Variants in REPS2 observed in about 807,000 individuals in gnomAD.
The protein encoded by REPS2 is RALBP1 associated Eps domain containing 2, also known as ralBP1-associated Eps domain-containing protein 2.
Under a neutral mutation model 53.6 loss-of-function variants are expected in REPS2, and 23 were observed. The observed-to-expected ratio is 0.43, with a 90% CI of 0.31 to 0.61. The LOEUF is 0.61. Among genes scored for constraint, REPS2 ranks in the 20% least tolerant of loss-of-function variants. REPS2 has a pLI of 0.11. For missense variants in REPS2, 446 were observed against 534.9 expected (o/e 0.83, Z 1.64); for synonymous variants, 238 against 218.6 (o/e 1.09, Z -0.78).
At chrX:17,082,113 C>T (rs772933419) in intron 13 of REPS2, among the ~76,000 whole-genome samples, 1 of 112,041 alleles carries the variant, frequency 8.9e-6, no homozygotes, top group South Asian at 3.7e-4. Context: ...TCAGACCTGC[C>T]TCTTCTCAAA....
the REPS2 span, among the ~76,000 whole-genome samples, chrX:17,159,782 C>G: frequency 9.0e-6 from 1 of 111,311 alleles, no homozygotes; most frequent in South Asian, 3.8e-4. Flanking sequence ...AAGATGTGAC[C>G]CCTGTCCCAC....
At position 17,024,999 on chromosome X, in the gene REPS2, T is replaced by C. The variant is rs1039477015; in HGVS notation, c.547-60T>C. On this transcript the variant is annotated intron_variant, in intron 3 of 17. Transcript: ENST00000357277. Reference sequence around the variant, plus strand: ...GTAGAGTTGCGTTATGCTTCCTGACTGCAGCTCAGAACGCCAGGCTTGAGT... The same window carrying C: ...GTAGAGTTGCGTTATGCTTCCTGACCGCAGCTCAGAACGCCAGGCTTGAGT... 2.5e-6 allele frequency: 3 copies of C among 1,206,582 alleles called. No homozygotes were observed. The African/African-American group carries it at 5.2e-5, about 21-fold the overall frequency.
chrX:17,102,921 G>T (rs1307404354), intron 13 of REPS2, among the ~76,000 whole-genome samples: 3 of 112,277 alleles, frequency 2.7e-5, no homozygotes, highest in African/African-American at 9.7e-5. Context: ...TAACTTGCCA[G>T]TGTGTAATGC....
chrX:17,146,737 T>G (rs951443571), intron 17 of REPS2, among the ~76,000 whole-genome samples: 1 of 111,824 alleles, frequency 8.9e-6, no homozygotes, highest in Non-Finnish European at 1.9e-5. Context: ...ATCTCACAAT[T>G]CAGCCTTTCT....
chrX:17,035,236 G>C (rs868582917), intron 5 of REPS2, among the ~76,000 whole-genome samples: 3 of 109,798 alleles, frequency 2.7e-5, no homozygotes, highest in Admixed American at 9.8e-5. Flanking sequence ...ATAGCCTTTG[G>C]GGGAGGCTGA....
chrX:17,037,953 A>G (rs2061786662), intron 5 of REPS2, among the ~76,000 whole-genome samples: 1 of 111,863 alleles, frequency 8.9e-6, no homozygotes, highest in South Asian at 3.7e-4. Context: ...CTACTGACTG[A>G]GGTGCTTCTT....
At chrX:17,076,072 A>G (rs2062377045) in intron 12 of REPS2, among the ~76,000 whole-genome samples, 1 of 112,068 alleles carries the variant, frequency 8.9e-6, no homozygotes, top group Non-Finnish European at 1.9e-5. Context: ...GGCTTTATTA[A>G]AGTTACAACC....
At chrX:17,125,445 C>T (rs1235114592) in intron 14 of REPS2, among the ~76,000 whole-genome samples, 2 of 111,698 alleles carry the variant, frequency 1.8e-5, no homozygotes, top group African/African-American at 6.5e-5. Flanking sequence ...GGGCTGGCTA[C>T]ATAAAAATCA....
intron 2 of REPS2, among the ~76,000 whole-genome samples, chrX:17,015,350 A>G (rs1285719542): frequency 1.8e-5 from 2 of 112,058 alleles, no homozygotes; most frequent in African/African-American, 6.5e-5. Flanking sequence ...CACTTCAACC[A>G]TCAAATTCTG....
intron 13 of REPS2, chrX:17,100,081 C>T (rs752395208): frequency 2.4e-5 from 26 of 1,079,973 alleles, no homozygotes; most frequent in Non-Finnish European, 3.2e-5. Flanking sequence ...TTGCCTCCCT[C>T]TGATTTGTCT....
the REPS2 span, among the ~76,000 whole-genome samples, chrX:17,190,444 A>C: frequency 6.2e-5 from 7 of 112,342 alleles, no homozygotes; most frequent in African/African-American, 2.3e-4. Flanking sequence ...GCTAAAGGCT[A>C]CAACACACTG....
At chrX:16,983,159 T>C (rs747131024) in intron 1 of REPS2, among the ~76,000 whole-genome samples, 4 of 110,646 alleles carry the variant, frequency 3.6e-5, no homozygotes, top group Admixed American at 9.7e-5. Flanking sequence ...ACCTAGTTTA[T>C]CCTGGTTAAG....
At chrX:17,162,625 A>C in the REPS2 span, among the ~76,000 whole-genome samples, 1 of 112,802 alleles carries the variant, frequency 8.9e-6, no homozygotes, top group Admixed American at 9.3e-5. Context: ...ATAACAATTA[A>C]AGAAAAATGG....
intron 13 of REPS2, among the ~76,000 whole-genome samples, chrX:17,090,447 G>A (rs908640538): frequency 1.8e-5 from 2 of 111,193 alleles, no homozygotes; most frequent in African/African-American, 6.6e-5. Context: ...CTGCCCCCAT[G>A]GTTCAATCAT....
At position 17,047,388 on chromosome X, in the gene REPS2, C is replaced by T; in HGVS notation, c.813C>T (p.Tyr271=). ...GGGAACTACAGGATAACAGCAGTTA[C>T]CCCGACGAACCCTGGAGGATAACAG... ...VERELQDNSS[Y]PDEPWRITEE... The change falls in exon 6 of 18, where the codon TAC becomes TAT. Residue 271 remains tyrosine, a synonymous_variant. Coordinates refer to ENST00000357277, the MANE Select transcript of REPS2 (RefSeq NM_004726.3). 1 of 1,209,357 alleles carries T rather than the reference C, an allele frequency of 8.3e-7. No homozygotes were observed. The highest frequency in any genetic ancestry group is 1.1e-6 in the Non-Finnish European group (1 of 893,609).
rs1215054059 is a variant in REPS2, at chrX:17,135,143, T to TA, written c.1663-117dup. 3 of 724,217 alleles carry TA rather than the reference T, an allele frequency of 4.1e-6. No homozygotes were observed. The East Asian group carries it at 1.0e-4, about 25-fold the overall frequency. The allele number at this position is 724,217 out of a possible 1,213,427, so 59.7% of individuals were successfully genotyped here. On this transcript the variant is annotated intron_variant, in intron 15 of 17. Coordinates refer to ENST00000357277, the MANE Select transcript of REPS2 (RefSeq NM_004726.3). Reference sequence around the variant, plus strand: ...TCTTGCTGAGCCATGGGTCAGTAAATAGAGTACCCTCCTGATCTTGGGGTT... The same window carrying TA: ...TCTTGCTGAGCCATGGGTCAGTAAATAAGAGTACCCTCCTGATCTTGGGGTT...
rs764191702 is a variant in REPS2 at position 16,964,298 on chromosome X, C to T, written c.273+17164C>T. ...CATCTTGCACCGCCCTTAATCCATT[C>T]AACCCTGAGTGGATACAGCACATGT... On this transcript the variant is annotated intron_variant, in intron 1 of 17. Transcript: ENST00000357277. Among the ~76,000 whole-genome samples the T allele has an allele frequency of 2.0e-3, 219 of 109,059 alleles. 1 individual carries two copies. The highest frequency in any genetic ancestry group is 7.1e-3 in the African/African-American group (208 of 29,307). 94.7% of individuals were successfully genotyped at this position (109,059 alleles called of 115,157 possible).
chrX:16,971,345 A>G (rs2060891096), intron 1 of REPS2, among the ~76,000 whole-genome samples: 1 of 112,360 alleles, frequency 8.9e-6, no homozygotes, highest in Non-Finnish European at 1.9e-5. Context: ...GGTTGTCTTT[A>G]TAAAATGTTG....
chrX:17,116,512 C>T (rs2063058299), intron 14 of REPS2, among the ~76,000 whole-genome samples: 1 of 111,860 alleles, frequency 8.9e-6, no homozygotes, highest in Admixed American at 9.5e-5. Flanking sequence ...CACCTTGTCA[C>T]TTTCATCTAT....
Sources: allele counts gnomAD v4.1 joint callset (sites outside exome capture counted in the v4.1 genomes callset), GRCh38; gene constraint gnomAD v4.1.1; transcripts MANE v1.5; gene names NCBI Gene and HGNC (gene_info 2026-07-23, HGNC 2026-07-21).